The following TRHDE variants were observed in gnomAD, a reference collection of about 807,000 sequenced individuals.
The protein encoded by TRHDE is thyrotropin releasing hormone degrading enzyme, also known as thyrotropin-releasing hormone-degrading ectoenzyme.
In TRHDE, 72 loss-of-function variants were observed where a neutral mutation model predicts 125.7. That is an observed-to-expected ratio of 0.57 (90% CI 0.47 to 0.70). The LOEUF is 0.70. TRHDE is among the 30% of genes least tolerant of loss of function. TRHDE has a pLI of 0.00. For synonymous variants in TRHDE, 509 were observed against 509.1 expected (o/e 1.00, Z 0.00); for missense variants, 1,110 against 1,327.1 (o/e 0.84, Z 2.54).
chr12:72,450,231 T>C (rs1875504716), intron 3 of TRHDE, among the ~76,000 whole-genome samples: 1 of 152,060 alleles, frequency 6.6e-6, no homozygotes, highest in Admixed American at 6.6e-5. Flanking sequence ...TATTATCTCT[T>C]ACTTAGACTA....
intron 2 of TRHDE, among the ~76,000 whole-genome samples, chr12:72,210,210 T>TATCTATCTATC (rs1179985307): frequency 5.3e-5 from 4 of 75,190 alleles, no homozygotes; most frequent in African/African-American, 2.3e-4. Flanking sequence ...ATCTATCTAC[T>TATCTATCTATC]TTCTGATAAA....
chr12:72,525,451 A>G (rs1868314492), intron 6 of TRHDE, among the ~76,000 whole-genome samples: 1 of 152,102 alleles, frequency 6.6e-6, no homozygotes, highest in South Asian at 2.1e-4. Context: ...TGGATTATTA[A>G]TCTAATTAAA....
chr12:72,631,537 A>T (rs1483545407), intron 15 of TRHDE, among the ~76,000 whole-genome samples: 2 of 151,910 alleles, frequency 1.3e-5, no homozygotes, highest in Non-Finnish European at 2.9e-5. Flanking sequence ...TTCACGTAAA[A>T]AGAAAACAGG....
At chr12:72,149,230 A>G (rs891565158) in intron 2 of TRHDE, among the ~76,000 whole-genome samples, 3 of 152,066 alleles carry the variant, frequency 2.0e-5, no homozygotes, top group African/African-American at 7.2e-5. Context: ...TAGGTACCTT[A>G]TGTAAGGTAA....
chr12:72,528,586 T>G (rs1868388735), intron 6 of TRHDE, among the ~76,000 whole-genome samples: 1 of 152,162 alleles, frequency 6.6e-6, no homozygotes, highest in Non-Finnish European at 1.5e-5. Flanking sequence ...CCTGCCGGGT[T>G]CAAGTAATTC....
At chr12:72,523,153 C>CTT (rs1163808918) in intron 6 of TRHDE, among the ~76,000 whole-genome samples, 1 of 151,876 alleles carries the variant, frequency 6.6e-6, no homozygotes, top group Non-Finnish European at 1.5e-5. Context: ...AACACCGTTT[C>CTT]TTTTTCCTGA....
At chr12:72,121,614 C>G (rs1875584376) in intron 2 of TRHDE, among the ~76,000 whole-genome samples, 1 of 151,984 alleles carries the variant, frequency 6.6e-6, no homozygotes, top group South Asian at 2.1e-4. Context: ...GTGATGGTAG[C>G]TATTCAAAAC....
chr12:72,551,635 A>G (rs928494460), intron 7 of TRHDE, among the ~76,000 whole-genome samples: 1 of 152,054 alleles, frequency 6.6e-6, no homozygotes, highest in Non-Finnish European at 1.5e-5. Context: ...CATCTAGTCT[A>G]TGTCAGACAT....
At chr12:72,408,266 C>T (rs1159856365) in intron 3 of TRHDE, among the ~76,000 whole-genome samples, 1 of 152,026 alleles carries the variant, frequency 6.6e-6, no homozygotes, top group African/African-American at 2.4e-5. Context: ...ATAAAGTTTC[C>T]AACACATGAA....
chr12:72,150,011 TA>T (rs1467294655), intron 2 of TRHDE, among the ~76,000 whole-genome samples: 1 of 152,160 alleles, frequency 6.6e-6, no homozygotes, highest in African/African-American at 2.4e-5. Context: ...TACCACTAAT[TA>T]ATGCAATAAA....
At chr12:72,641,241 T>C (rs1874047491) in intron 15 of TRHDE, among the ~76,000 whole-genome samples, 1 of 152,246 alleles carries the variant, frequency 6.6e-6, no homozygotes, top group Admixed American at 6.5e-5. Context: ...TAAGATATTT[T>C]AAATTTATCT....
intron 6 of TRHDE, among the ~76,000 whole-genome samples, chr12:72,528,700 G>T (rs1171046939): frequency 6.6e-6 from 1 of 151,910 alleles, no homozygotes; most frequent in Non-Finnish European, 1.5e-5. Flanking sequence ...TGTTGTTCAG[G>T]CTGGTCTCGA....
intron 3 of TRHDE, among the ~76,000 whole-genome samples, chr12:72,395,270 G>A (rs1384453401): frequency 6.6e-6 from 1 of 151,880 alleles, no homozygotes; most frequent in Admixed American, 6.6e-5. Flanking sequence ...CATCCTTATT[G>A]GTGGCTTCAG....
chr12:72,103,747 T>C (rs1290277745), intron 1 of TRHDE, among the ~76,000 whole-genome samples: 1 of 152,204 alleles, frequency 6.6e-6, no homozygotes, highest in African/African-American at 2.4e-5. Flanking sequence ...GCAAGTAATT[T>C]CTTTTCCTTT....
chr12:72,225,408 A>G (rs7295444), intron 2 of TRHDE, among the ~76,000 whole-genome samples: 20,973 of 152,194 alleles, frequency 0.14, 1,578 homozygotes, highest in South Asian at 0.26. Flanking sequence ...TGCTTCTCAC[A>G]CAGCATTAAT....
chr12:72,176,552 A>C lies in TRHDE; in HGVS notation n.279+70800A>C, dbSNP rs1565655698. Among the ~76,000 whole-genome samples, 3 of 152,226 alleles carry C rather than the reference A, an allele frequency of 2.0e-5. No individual in the cohort carries two copies. The South Asian group carries it at 6.2e-4, about 31-fold the overall frequency. The stretch of plus-strand genomic sequence containing the variant: ...GTATTTGCATGAGTAAATACATGCT[A>C]TCTCAGTTAGTTAAAACTAATTGAG... On this transcript the variant is annotated intron_variant and non_coding_transcript_variant, in intron 2 of 4. Transcript: ENST00000548156.
intron 2 of TRHDE, among the ~76,000 whole-genome samples, chr12:72,336,591 A>G (rs1309824564): frequency 6.6e-6 from 1 of 152,176 alleles, no homozygotes; most frequent in Non-Finnish European, 1.5e-5. Context: ...CTGAGACTGG[A>G]TAATTTACAA....
intron 7 of TRHDE, among the ~76,000 whole-genome samples, chr12:72,561,664 T>G (rs1297406101): frequency 2.6e-5 from 4 of 152,240 alleles, no homozygotes; most frequent in African/African-American, 9.6e-5. Context: ...ATTATTGTAA[T>G]AGGCAGCCTT....
At chr12:72,348,501 T>C (rs1286263170) in intron 2 of TRHDE, among the ~76,000 whole-genome samples, 1 of 152,042 alleles carries the variant, frequency 6.6e-6, no homozygotes, top group African/African-American at 2.4e-5. Context: ...GTGTGAAATA[T>C]TTTAAAAAGA....
Sources: allele counts gnomAD v4.1 joint callset (sites outside exome capture counted in the v4.1 genomes callset), GRCh38; gene constraint gnomAD v4.1.1; transcripts MANE v1.5; gene names NCBI Gene and HGNC (gene_info 2026-07-23, HGNC 2026-07-21).